DCAF6: variants seen among roughly 807,000 people sequenced by gnomAD.
The protein encoded by DCAF6 is DDB1 and CUL4 associated factor 6.
In DCAF6, 54 loss-of-function variants were observed where a neutral mutation model predicts 125.1. That is an observed-to-expected ratio of 0.43 (90% CI 0.35 to 0.54). The LOEUF (loss-of-function observed/expected upper bound fraction) is 0.54. DCAF6 is among the 20% of genes least tolerant of loss of function. DCAF6 has a pLI of 0.01. For synonymous variants in DCAF6, 371 were observed against 390.4 expected, an observed-to-expected ratio of 0.95 and a Z score of 0.58; for missense variants, 934 against 1,161.7, an observed-to-expected ratio of 0.80 and a Z score of 2.85.
intron 11 of DCAF6, among the ~76,000 whole-genome samples, chr1:168,018,487 ACCTGCTTGCT>A (rs1685265952): frequency 6.6e-6 from 1 of 152,116 alleles, no homozygotes; most frequent in Non-Finnish European, 1.5e-5. Flanking sequence ...GCGACTACCC[ACCTGCTTGCT>A]CCTCCTGCTA....
At position 168,045,218 on chromosome 1, in the gene DCAF6, C is replaced by T. The variant is rs775580997; in HGVS notation, c.2249C>T (p.Pro750Leu). 1.9e-6 allele frequency: 3 copies of T among 1,599,384 alleles called. No individual in the cohort carries two copies. Among genetic ancestry groups the T allele is most frequent in the African/African-American group, 1.3e-5 (1 of 74,172 alleles). The part of the protein sequence containing the change: ...LIPGARYRAG[P>L]GDRFNIRGTT... ...CCAGGTGCAAGGTATCGAGCAGGAC[C>T]TGGTGATAGGTTGGTAAATTTTTAA... Residue 750 changes from proline to leucine, a missense_variant, in exon 16 of 22, where the codon CCT becomes CTT. Pro to Leu is a moderately conservative substitution (Grantham distance 98). This residue lies in a region of DCAF6 where 559 missense variants were observed against 635.5 expected (regional missense o/e 0.88). Transcript: ENST00000367840.
chr1:167,938,993 A>G (rs185000276), intron 1 of DCAF6, among the ~76,000 whole-genome samples: 159 of 152,346 alleles, frequency 1.0e-3, no homozygotes, highest in African/African-American at 3.6e-3. Flanking sequence ...AATATTTTAG[A>G]TATGATAATA....
chr1:168,047,639 C>T (rs954195873), intron 16 of DCAF6, among the ~76,000 whole-genome samples: 3 of 151,048 alleles, frequency 2.0e-5, no homozygotes, highest in African/African-American at 4.9e-5. Flanking sequence ...GAGAGAATAC[C>T]GAAGCCATTT....
intron 21 of DCAF6, among the ~76,000 whole-genome samples, chr1:168,074,822 C>T (rs756609309): frequency 1.3e-5 from 2 of 152,118 alleles, no homozygotes; most frequent in Admixed American, 1.3e-4. Flanking sequence ...AAAACTTGAA[C>T]GAGCATACTG....
At chr1:167,951,028 G>T (rs1366396882) in intron 1 of DCAF6, among the ~76,000 whole-genome samples, 1 of 152,054 alleles carries the variant, frequency 6.6e-6, no homozygotes, top group Non-Finnish European at 1.5e-5. Context: ...CTCCCTACCT[G>T]CAGTCATCTT....
At position 168,013,067 on chromosome 1, in the gene DCAF6, A is replaced by G. The variant is rs558281646; in HGVS notation, c.1379-2714A>G. Among the ~76,000 whole-genome samples, 6 of 152,338 alleles carry G rather than the reference A, an allele frequency of 3.9e-5. No individual in the cohort carries two copies. The East Asian group carries it at 1.2e-3, about 29-fold the overall frequency. On this transcript the variant is annotated intron_variant, in intron 10 of 21. Transcript: ENST00000367840. ...CTCATAGATTTCTTTTGAAGTGTGAAGTGACAAACTTTATGGCTGTATAAT... is the reference window on the plus strand; with the variant it reads ...CTCATAGATTTCTTTTGAAGTGTGAGGTGACAAACTTTATGGCTGTATAAT...
intron 3 of DCAF6, among the ~76,000 whole-genome samples, chr1:167,972,236 A>C (rs1677446770): frequency 6.6e-6 from 1 of 152,268 alleles, no homozygotes; most frequent in South Asian, 2.1e-4. Context: ...GCAGTATCAT[A>C]CATACCCATA....
chr1:168,066,683 C>T (rs889208545), intron 20 of DCAF6, among the ~76,000 whole-genome samples: 1 of 151,976 alleles, frequency 6.6e-6, no homozygotes, highest in Non-Finnish European at 1.5e-5. Context: ...TATTCATCAT[C>T]GGTAACACCA....
At chr1:168,037,783 T>C (rs959043893) in intron 12 of DCAF6, among the ~76,000 whole-genome samples, 18 of 152,170 alleles carry the variant, frequency 1.2e-4, no homozygotes, top group Non-Finnish European at 2.4e-4. Context: ...TACCAAAATA[T>C]AACAAAGTAT....
intron 10 of DCAF6, among the ~76,000 whole-genome samples, chr1:168,008,321 C>G (rs1319655858): frequency 6.6e-6 from 1 of 152,130 alleles, no homozygotes. Context: ...AATGCAGCCT[C>G]CTACCCTTCC....
In DCAF6 at chr1:168,044,713, A is replaced by G. The variant is rs771652729; in HGVS notation, c.1930+42A>G. The G allele has an allele frequency of 2.5e-5, 38 of 1,530,912 alleles. No homozygotes were observed. The East Asian group carries it at 8.1e-4, about 33-fold the overall frequency. 94.8% of individuals were successfully genotyped at this position (1,530,912 alleles called of 1,614,324 possible). A position where few individuals can be genotyped will look rare whatever the true frequency, so the allele number is the denominator to read the frequency against. Reference sequence around the variant, plus strand: ...AGATAATTGCTTTGTATGGGAAAATAAAAAGCCTTAATCTATGTTAATCTC... The same window carrying G: ...AGATAATTGCTTTGTATGGGAAAATGAAAAGCCTTAATCTATGTTAATCTC... On this transcript the variant is annotated intron_variant, in intron 15 of 21. Transcript: ENST00000367840.
chr1:167,980,163 G>A (rs1471043675), intron 4 of DCAF6, among the ~76,000 whole-genome samples: 4 of 152,288 alleles, frequency 2.6e-5, no homozygotes, highest in Non-Finnish European at 1.5e-5. Context: ...CCTGGCGACA[G>A]AGTGAGACTC....
intron 17 of DCAF6, among the ~76,000 whole-genome samples, chr1:168,053,818 C>A (rs185098332): frequency 1.3e-5 from 2 of 152,206 alleles, no homozygotes; most frequent in Non-Finnish European, 2.9e-5. Context: ...TTTACGCAAG[C>A]TGGCCCCGCA....
intron 13 of DCAF6, among the ~76,000 whole-genome samples, chr1:168,040,982 G>A (rs1426258235): frequency 6.7e-6 from 1 of 149,860 alleles, no homozygotes; most frequent in Non-Finnish European, 1.5e-5. Flanking sequence ...TTTTATTTTA[G>A]TTTCTTTGGC....
the DCAF6 span, among the ~76,000 whole-genome samples, chr1:167,885,552 C>T: frequency 1.3e-5 from 2 of 152,108 alleles, no homozygotes; most frequent in Non-Finnish European, 2.9e-5. Flanking sequence ...TGATGTTGTG[C>T]ACCTTTTCAC....
At chr1:168,063,484 ATGCTTTTGGTTGGGGG>A (rs1276424964) in intron 17 of DCAF6, 121 bp from the exon 18 acceptor site, 24 of 614,192 alleles carry the variant, frequency 3.9e-5, no homozygotes, top group Non-Finnish European at 6.0e-5. Context: ...CTGCGTTTTT[ATGCTTTTGGTTGGGGG>A]TGCCTTATTG....
chr1:168,012,760 A>G (rs1036998970), intron 10 of DCAF6, among the ~76,000 whole-genome samples: 37 of 152,214 alleles, frequency 2.4e-4, no homozygotes, highest in African/African-American at 8.7e-4. Flanking sequence ...AAGCCACCAT[A>G]CAAGCAGCTT....
chr1:168,049,846 G>T (rs527873550), intron 16 of DCAF6, among the ~76,000 whole-genome samples: 1 of 149,934 alleles, frequency 6.7e-6, no homozygotes, highest in South Asian at 2.1e-4. Flanking sequence ...TAGTAGATAC[G>T]GGGTTTCACC....
the DCAF6 span, among the ~76,000 whole-genome samples, chr1:167,884,873 T>C: frequency 6.6e-6 from 1 of 152,040 alleles, no homozygotes; most frequent in African/African-American, 2.4e-5. Flanking sequence ...AATTTTTGTA[T>C]TTTTAGTAGA....
Sources: gnomAD v4.1 joint callset for allele counts (sites outside exome capture counted in the v4.1 genomes callset) on GRCh38, gnomAD v4.1.1 for gene constraint, gnomAD v4.1.1 regional missense constraint, MANE v1.5 for transcripts, NCBI Gene and HGNC (gene_info 2026-07-23, HGNC 2026-07-21) for gene names.